Variants in TRPM6 observed in about 807,000 individuals in gnomAD.
TRPM6 encodes the protein channel kinase 2.
Under a neutral mutation model 247.6 loss-of-function variants are expected in TRPM6, and 111 were observed. The ratio of observed to expected loss-of-function variants is 0.45; its 90% CI spans 0.38 to 0.52. TRPM6 has a LOEUF of 0.52. Among genes scored for constraint, TRPM6 ranks in the 20% least tolerant of loss-of-function variants. The probability of loss-of-function intolerance (pLI) is 0.00; values close to 1 mark genes in which losing one functional copy is unlikely to be tolerated. For missense variants in TRPM6, 2,126 were observed against 2,421.5 expected (o/e 0.88, Z 2.56); for synonymous variants, 892 against 853.8 (o/e 1.04, Z -0.78).
Position 74,802,058 on chromosome 9 carries a change from G to A in TRPM6, c.1849C>T (p.Leu617=), listed in dbSNP as rs1296141240. The change falls in exon 16 of 39, where the codon CTG becomes TTG. Residue 617 remains leucine, a synonymous_variant. Transcript: ENST00000360774. ...PYNDLLVWAV[L]MKRQKMAMFF... is the part of the protein sequence containing the mutation. ...ATAGCCATCTTCTGCCTTTTCATCA[G>A]CACAGCCCAAACCAGCAGGTCATTG... 3 of 1,614,140 alleles carry A rather than the reference G, an allele frequency of 1.9e-6. No homozygotes were observed. The Admixed American group carries it at 5.0e-5, about 27-fold the overall frequency.
intron 7 of TRPM6, among the ~76,000 whole-genome samples, chr9:74,823,967 A>T (rs2118018962): frequency 6.6e-6 from 1 of 152,228 alleles, no homozygotes; most frequent in East Asian, 1.9e-4. Context: ...GAAAATATAC[A>T]TATGAAAAGG....
chr9:74,776,048 A>C lies in TRPM6; in HGVS notation c.3238T>G (p.Ser1080Ala). Residue 1080 changes from serine (S) to alanine (A), a missense_variant, in exon 24 of 39, where the codon TCA becomes GCA. Around this residue, in one of 3 missense-constraint regions of TRPM6, gnomAD observed 1,082 missense variants for 1,307.9 expected, o/e 0.83. Transcript: ENST00000360774. ...CGGTTGTATTTCCACAGGTTATTTG[A>C]AATGGATTCCATATCTAAGTAAACG... is the stretch of plus-strand genomic sequence containing the variant. ...NNVYLDMESI[S>A]NNLWKYNRYR... The C allele has an allele frequency of 1.2e-6, 2 of 1,614,056 alleles. No individual in the cohort carries two copies. Among genetic ancestry groups the C allele is most frequent in the Non-Finnish European group, 1.7e-6 (2 of 1,179,970 alleles).
intron 5 of TRPM6, 114 bp downstream of exon 5, chr9:74,839,910 G>GAGGT (rs1829868117): frequency 4.3e-6 from 3 of 700,944 alleles, no homozygotes; most frequent in Admixed American, 2.1e-5. Flanking sequence ...GGGAGGGAGG[G>GAGGT]AGGGAGGGAA....
chr9:74,736,864 A>C (rs1391247596), intron 36 of TRPM6, among the ~76,000 whole-genome samples: 1 of 152,226 alleles, frequency 6.6e-6, no homozygotes, highest in Non-Finnish European at 1.5e-5. Context: ...AAAAATCCCC[A>C]AACATAAACA....
intron 17 of TRPM6, among the ~76,000 whole-genome samples, chr9:74,798,550 G>C (rs1828184023): frequency 6.6e-6 from 1 of 152,176 alleles, no homozygotes; most frequent in South Asian, 2.1e-4. Context: ...TTATGAAATA[G>C]TATTTGACAA....
At chr9:74,837,124 G>A (rs1233182152) in intron 5 of TRPM6, among the ~76,000 whole-genome samples, 1 of 152,192 alleles carries the variant, frequency 6.6e-6, no homozygotes, top group Non-Finnish European at 1.5e-5. Flanking sequence ...TCACATAGTA[G>A]ATTCTTAAGG....
chr9:74,821,946 CT>C (rs1207498438), intron 7 of TRPM6, 109 bp from the exon 8 acceptor site: 1 of 1,220,014 alleles, frequency 8.2e-7, no homozygotes, highest in African/African-American at 1.5e-5. Context: ...ATGTTCATTC[CT>C]CACACTGGCC....
intron 36 of TRPM6, among the ~76,000 whole-genome samples, chr9:74,733,712 C>T (rs1309187908): frequency 6.6e-6 from 1 of 152,168 alleles, no homozygotes; most frequent in Non-Finnish European, 1.5e-5. Flanking sequence ...GCATGTGCCA[C>T]CATGCCCGGC....
chr9:74,836,569 T>A (rs994098844), intron 5 of TRPM6, among the ~76,000 whole-genome samples: 1 of 152,214 alleles, frequency 6.6e-6, no homozygotes, highest in African/African-American at 2.4e-5. Context: ...GTTGTTGTTT[T>A]AAGCACCTTA....
chr9:74,775,797 G>A, intron 24 of TRPM6, 86 bp downstream of exon 24: 2 of 1,409,184 alleles, frequency 1.4e-6, no homozygotes, highest in South Asian at 2.3e-5. Flanking sequence ...ACAGTGCCCT[G>A]AACTTAATTT....
rs1827048694 is a variant in TRPM6, at chr9:74,771,719, G to A, written c.3520C>T (p.Arg1174Ter). ...DVNCSCEERIRVTSERVTEMY... is the reference protein window; with the variant it reads ...DVNCSCEERI ...ATCTTTTACCTTTCTGATGTCACTC[G>A]GATTCGTTCCTCACAACTACAATTC... Residue 1174 changes from arginine to a stop codon, truncating the protein, a stop_gained, in exon 25 of 39, where the codon CGA becomes TGA. Coordinates refer to ENST00000360774, the MANE Select transcript of TRPM6 (RefSeq NM_017662.5). LOFTEE classifies it high-confidence loss of function. 4.3e-6 allele frequency: 7 copies of A among 1,613,656 alleles called. No individual in the cohort carries two copies. The highest frequency in any genetic ancestry group is 1.7e-5 in the Admixed American group (1 of 59,988).
At chr9:74,760,496 T>C (rs1249757919) in intron 27 of TRPM6, among the ~76,000 whole-genome samples, 1 of 152,164 alleles carries the variant, frequency 6.6e-6, no homozygotes, top group South Asian at 2.1e-4. Context: ...TGTGCCATGA[T>C]GAAATCACCT....
In TRPM6 at chr9:74,782,719, G is replaced by A; in HGVS notation, c.3054C>T (p.Tyr1018=). ...CATAGACTTCTCCGTATATCATCCA[G>A]TATGGCTCAAATACAATATCTCGAG... The part of the protein sequence containing the change: ...SLARDIVFEP[Y]WMIYGEVYAG... Residue 1018 remains tyrosine, a synonymous_variant, in exon 22 of 39, where the codon TAC becomes TAT. Coordinates refer to ENST00000360774, the MANE Select transcript of TRPM6 (RefSeq NM_017662.5). 5 of 1,614,122 alleles carry A rather than the reference G, an allele frequency of 3.1e-6. No homozygotes were observed. Among genetic ancestry groups the A allele is most frequent in the Non-Finnish European group, 4.2e-6 (5 of 1,180,006 alleles).
intron 23 of TRPM6, among the ~76,000 whole-genome samples, chr9:74,778,885 C>T (rs1452107091): frequency 6.6e-6 from 1 of 152,088 alleles, no homozygotes; most frequent in African/African-American, 2.4e-5. Flanking sequence ...GAGTGCACCA[C>T]CTCACCAGGC....
intron 7 of TRPM6, among the ~76,000 whole-genome samples, chr9:74,827,335 C>T (rs567749479): frequency 6.6e-6 from 1 of 152,032 alleles, no homozygotes; most frequent in Admixed American, 6.5e-5. Flanking sequence ...CAAGTCTGCA[C>T]GGTCTTATAT....
At chr9:74,831,887 G>T (rs1047741078) in intron 6 of TRPM6, among the ~76,000 whole-genome samples, 13 of 152,122 alleles carry the variant, frequency 8.5e-5, no homozygotes, top group African/African-American at 3.1e-4. Context: ...GTGAGAAAAC[G>T]TTTATCTATA....
intron 9 of TRPM6, among the ~76,000 whole-genome samples, chr9:74,819,768 C>A (rs1429885270): frequency 6.6e-6 from 1 of 152,052 alleles, no homozygotes; most frequent in Non-Finnish European, 1.5e-5. Context: ...TGTTCCTTTA[C>A]CCTCTGAAAA....
intron 27 of TRPM6, among the ~76,000 whole-genome samples, chr9:74,760,560 A>G (rs1033355426): frequency 6.6e-6 from 1 of 152,248 alleles, no homozygotes; most frequent in Non-Finnish European, 1.5e-5. Context: ...ATGACTGTAC[A>G]GAGGGCAAAT....
intron 27 of TRPM6, 138 bp from the exon 28 acceptor site, chr9:74,755,611 A>G: frequency 1.9e-6 from 2 of 1,080,986 alleles, no homozygotes; most frequent in South Asian, 2.5e-5. Context: ...AAGTGCTGAC[A>G]AATCCCATCA....
Sources: allele counts gnomAD v4.1 joint callset (sites outside exome capture counted in the v4.1 genomes callset), GRCh38; gene constraint gnomAD v4.1.1; regional missense constraint gnomAD v4.1.1; transcripts MANE v1.5; gene names NCBI Gene and HGNC (gene_info 2026-07-23, HGNC 2026-07-21).